KANK4: variants seen among roughly 807,000 people sequenced by gnomAD.
KANK4 encodes the protein KN motif and ankyrin repeat domains 4, also known as KN motif and ankyrin repeat domain-containing protein 4.
In KANK4, 50 loss-of-function variants were observed where a neutral mutation model predicts 80.8. That is an observed-to-expected ratio of 0.62 (90% CI 0.49 to 0.78). The LOEUF is 0.78. Ranked by LOEUF, KANK4 falls within the 30% of genes least tolerant of loss-of-function variation. The pLI is 0.00. For missense variants in KANK4, 1,196 were observed against 1,240.1 expected (o/e 0.96, Z 0.53); for synonymous variants, 465 against 506.9 (o/e 0.92, Z 1.11).
intron 1 of KANK4, among the ~76,000 whole-genome samples, chr1:62,314,068 C>T (rs578245061): frequency 8.5e-5 from 13 of 152,268 alleles, no homozygotes; most frequent in African/African-American, 4.8e-5. Flanking sequence ...GGCTGGAGTA[C>T]AGTGGCGCGA....
chr1:62,249,818 C>T (rs566627794), intron 8 of KANK4, among the ~76,000 whole-genome samples: 53 of 150,830 alleles, frequency 3.5e-4, no homozygotes, highest in African/African-American at 1.2e-3. Context: ...GCTGGGATTA[C>T]AGGCATGAGC....
In KANK4 at chr1:62,285,088, T is replaced by C. The variant is rs117852008; in HGVS notation, c.-70-3454A>G. On this transcript the variant is annotated intron_variant, in intron 1 of 9. Coordinates refer to ENST00000371153, the MANE Select transcript of KANK4 (RefSeq NM_181712.5). ...AGCAATCCTAGGAAACAGGAACATG[T>C]CCAAGTTACAAACGAGGAAACTAAG... 9.5e-4 allele frequency among the ~76,000 whole-genome samples: 145 copies of C among 152,346 alleles called. No homozygotes were observed. The East Asian group carries it at 0.023, about 24-fold the overall frequency.
intron 1 of KANK4, among the ~76,000 whole-genome samples, chr1:62,297,800 A>G (rs1411085069): frequency 6.6e-6 from 1 of 152,248 alleles, no homozygotes; most frequent in East Asian, 1.9e-4. Context: ...GTAATCTTTG[A>G]AAGTTCCAAG....
chr1:62,271,663 T>TACA, intron 3 of KANK4, 74 bp from the exon 4 acceptor site: 1 of 1,089,474 alleles, frequency 9.2e-7, no homozygotes, highest in Non-Finnish European at 1.4e-6. Context: ...AGGATATTGC[T>TACA]TTGAGGGGAC....
Position 62,295,873 on chromosome 1 carries a change from TTTGC to T in KANK4, c.-70-14243_-70-14240del, listed in dbSNP as rs371974582. Among the ~76,000 whole-genome samples the T allele has an allele frequency of 5.3e-3, 801 of 152,374 alleles. 6 individuals are homozygous for T. Among genetic ancestry groups the T allele is most frequent in the African/African-American group, 0.018 (761 of 41,592 alleles). On this transcript the variant is annotated intron_variant, in intron 1 of 9. Transcript: ENST00000371153. ...ACTGCTCATACTTCTGTTGGTGATC[TTTGC>T]TTGCAGCCTCTGGCTGCAGGGAAAG...
At chr1:62,258,913 G>A (rs1671814559) in intron 7 of KANK4, among the ~76,000 whole-genome samples, 1 of 152,150 alleles carries the variant, frequency 6.6e-6, no homozygotes, top group Non-Finnish European at 1.5e-5. Context: ...TCAGGGGGAA[G>A]AGTCCAGGTA....
At chr1:62,291,392 T>A (rs1178766143) in intron 1 of KANK4, among the ~76,000 whole-genome samples, 2 of 152,214 alleles carry the variant, frequency 1.3e-5, no homozygotes, top group Non-Finnish European at 2.9e-5. Context: ...GCAATAACCT[T>A]GTATATGGTA....
At chr1:62,252,018 A>G (rs928693053) in intron 8 of KANK4, among the ~76,000 whole-genome samples, 1 of 151,074 alleles carries the variant, frequency 6.6e-6, no homozygotes, top group Non-Finnish European at 1.5e-5. Flanking sequence ...GATTCAGAGT[A>G]CCCAGTCTTG....
intron 1 of KANK4, among the ~76,000 whole-genome samples, chr1:62,284,227 G>C (rs944300472): frequency 1.3e-5 from 2 of 152,118 alleles, no homozygotes; most frequent in African/African-American, 4.8e-5. Flanking sequence ...GGTTAGGTTA[G>C]GTAAAAATAA....
rs181071739 is a variant in KANK4 at position 62,319,359 on chromosome 1, C to A, written c.-324G>T. On this transcript the variant is annotated 5_prime_UTR_variant, in exon 1 of 10. Coordinates refer to ENST00000371153, the MANE Select transcript of KANK4 (RefSeq NM_181712.5). The stretch of plus-strand genomic sequence containing the variant: ...CCCACCGCGGCGGATGCGGGACTGG[C>A]CAGGCGCCGCCAGCCGCGGCTTCGC... 1.3e-5 allele frequency: 2 copies of A among 152,054 alleles called. No individual in the cohort carries two copies. The highest frequency in any genetic ancestry group is 3.9e-4 in the East Asian group (2 of 5,142). 9.4% of individuals were successfully genotyped at this position (152,054 alleles called of 1,614,324 possible).
intron 7 of KANK4, among the ~76,000 whole-genome samples, chr1:62,256,220 C>T (rs1671748493): frequency 6.6e-6 from 1 of 152,112 alleles, no homozygotes; most frequent in Non-Finnish European, 1.5e-5. Context: ...GGTAAGAGTT[C>T]ACTGTTATTA....
chr1:62,279,925 T>A (rs769351063), intron 2 of KANK4, among the ~76,000 whole-genome samples: 9 of 152,102 alleles, frequency 5.9e-5, no homozygotes, highest in Non-Finnish European at 1.5e-5. Context: ...GATCACTAGA[T>A]CCTTGTATAG....
At chr1:62,291,020 G>A (rs1672668325) in intron 1 of KANK4, among the ~76,000 whole-genome samples, 1 of 152,058 alleles carries the variant, frequency 6.6e-6, no homozygotes, top group South Asian at 2.1e-4. Context: ...AGAGTGCTGG[G>A]ATTACAGGCA....
intron 1 of KANK4, among the ~76,000 whole-genome samples, chr1:62,284,465 C>G (rs111521018): frequency 2.0e-5 from 3 of 152,072 alleles, no homozygotes; most frequent in East Asian, 3.8e-4. Context: ...TACGGTCGCG[C>G]GCGCTACCAT....
At chr1:62,253,007 G>C in intron 8 of KANK4, 60 bp downstream of exon 8, 1 of 1,584,560 alleles carries the variant, frequency 6.3e-7, no homozygotes, top group Non-Finnish European at 8.6e-7. Context: ...CCCACTAGCA[G>C]AATAAAGCGG....
At chr1:62,260,277 C>A (rs1039523716) in intron 7 of KANK4, among the ~76,000 whole-genome samples, 2 of 151,772 alleles carry the variant, frequency 1.3e-5, no homozygotes, top group African/African-American at 4.9e-5. Flanking sequence ...GTATCTTTCA[C>A]CTTCCTCCTT....
chr1:62,253,266 CA>C, intron 7 of KANK4, 57 bp from the exon 8 acceptor site: 1 of 1,535,818 alleles, frequency 6.5e-7, no homozygotes, highest in Non-Finnish European at 8.7e-7. Flanking sequence ...AGCCAGACTC[CA>C]CTTTAGCCGT....
intron 1 of KANK4, chr1:62,298,082 G>T (rs998312155): frequency 1.3e-5 from 2 of 152,200 alleles, no homozygotes; most frequent in African/African-American, 4.8e-5. Context: ...GGTCCTCCCT[G>T]TCAATAATAA....
intron 2 of KANK4, among the ~76,000 whole-genome samples, chr1:62,276,605 A>G (rs1019766898): frequency 6.6e-6 from 1 of 152,134 alleles, no homozygotes; most frequent in East Asian, 1.9e-4. Context: ...GTGAAACCCC[A>G]TCTCTACTAA....
Sources: allele counts gnomAD v4.1 joint callset (sites outside exome capture counted in the v4.1 genomes callset), GRCh38; gene constraint gnomAD v4.1.1; transcripts MANE v1.5; gene names NCBI Gene and HGNC (gene_info 2026-07-23, HGNC 2026-07-21).